The following ARHGAP24 variants were observed in gnomAD, a reference collection of about 807,000 sequenced individuals.
ARHGAP24 encodes Rho GTPase activating protein 24.
ARHGAP24 carries 50 observed loss-of-function variants against 76.4 expected under a neutral mutation model. The observed-to-expected ratio is 0.65, with a 90% CI of 0.52 to 0.83. The LOEUF (loss-of-function observed/expected upper bound fraction) is 0.83. Ranked by LOEUF, ARHGAP24 falls within the 40% of genes least tolerant of loss-of-function variation. ARHGAP24 has a pLI of 0.00. For missense variants in ARHGAP24, 930 were observed against 914.2 expected (o/e 1.02, Z -0.22); for synonymous variants, 345 against 323.3 (o/e 1.07, Z -0.72).
At chr4:85,666,352 T>G (rs1027570348) in intron 2 of ARHGAP24, among the ~76,000 whole-genome samples, 24 of 151,832 alleles carry the variant, frequency 1.6e-4, no homozygotes, top group Non-Finnish European at 4.4e-5. Context: ...CTCAAGCTCC[T>G]GTAAGCACTT....
At chr4:85,872,210 T>C (rs1235725702) in intron 3 of ARHGAP24, among the ~76,000 whole-genome samples, 1 of 152,062 alleles carries the variant, frequency 6.6e-6, no homozygotes, top group African/African-American at 2.4e-5. Flanking sequence ...TGAATTTCAT[T>C]AAGTCTTATA....
At chr4:85,914,730 A>T (rs1735278083) in intron 3 of ARHGAP24, among the ~76,000 whole-genome samples, 1 of 152,182 alleles carries the variant, frequency 6.6e-6, no homozygotes, top group Non-Finnish European at 1.5e-5. Context: ...GGACATCCTG[A>T]TAGAAAATGC....
At chr4:85,931,029 TA>T (rs1348523517) in intron 4 of ARHGAP24, 1 of 1,612,580 alleles carries the variant, frequency 6.2e-7, no homozygotes, top group East Asian at 2.2e-5. Context: ...AACGGTGTTT[TA>T]GTTTTCGGAA....
At chr4:85,692,808 A>C (rs1723715311) in intron 2 of ARHGAP24, among the ~76,000 whole-genome samples, 1 of 152,174 alleles carries the variant, frequency 6.6e-6, no homozygotes, top group Admixed American at 6.5e-5. Context: ...TATGTCTGTC[A>C]TTTCAGAGTG....
chr4:85,816,380 T>A (rs1729239502), intron 3 of ARHGAP24, among the ~76,000 whole-genome samples: 1 of 152,174 alleles, frequency 6.6e-6, no homozygotes, highest in African/African-American at 2.4e-5. Flanking sequence ...CACATATAAT[T>A]GAGATCATGC....
At chr4:85,906,512 TA>T (rs1734774672) in intron 3 of ARHGAP24, among the ~76,000 whole-genome samples, 1 of 152,174 alleles carries the variant, frequency 6.6e-6, no homozygotes, top group African/African-American at 2.4e-5. Flanking sequence ...TTTAATGTTA[TA>T]AAAATATTAT....
chr4:85,555,439 A>G (rs781384243), intron 1 of ARHGAP24, among the ~76,000 whole-genome samples: 6 of 152,174 alleles, frequency 3.9e-5, no homozygotes, highest in Non-Finnish European at 8.8e-5. Flanking sequence ...TTGTTGTTGA[A>G]GTTTGGGTTG....
chr4:85,756,444 A>G (rs757105984), intron 3 of ARHGAP24, among the ~76,000 whole-genome samples: 2 of 152,212 alleles, frequency 1.3e-5, no homozygotes, highest in African/African-American at 4.8e-5. Flanking sequence ...GGCATTAGTA[A>G]CTAGTACTCT....
At chr4:85,536,732 T>C (rs879812293) in intron 1 of ARHGAP24, among the ~76,000 whole-genome samples, 5 of 152,102 alleles carry the variant, frequency 3.3e-5, no homozygotes, top group Non-Finnish European at 7.4e-5. Flanking sequence ...TATACATCTT[T>C]CGGGGAGATA....
intron 3 of ARHGAP24, among the ~76,000 whole-genome samples, chr4:85,796,723 G>A (rs187452871): frequency 1.2e-3 from 185 of 152,102 alleles, no homozygotes; most frequent in African/African-American, 4.4e-3. Flanking sequence ...TACTTCTGTC[G>A]GGGGGAATTG....
chr4:85,661,392 G>C (rs563768089), intron 2 of ARHGAP24, among the ~76,000 whole-genome samples: 8 of 152,104 alleles, frequency 5.3e-5, no homozygotes, highest in Admixed American at 6.5e-5. Flanking sequence ...ATCTATTACA[G>C]TTTGTTTATT....
At chr4:85,750,485 CTTTTTTTTTTTTTTT>C (rs60635375) in intron 3 of ARHGAP24, among the ~76,000 whole-genome samples, 19 of 61,640 alleles carry the variant, frequency 3.1e-4, no homozygotes, top group East Asian at 1.1e-3. Flanking sequence ...CTTTTCATTC[CTTTTTTTTTTTTTTT>C]TTTTTTTTTT....
At chr4:85,815,417 C>T (rs1729195604) in intron 3 of ARHGAP24, among the ~76,000 whole-genome samples, 1 of 152,206 alleles carries the variant, frequency 6.6e-6, no homozygotes, top group South Asian at 2.1e-4. Context: ...CTCTTGAATG[C>T]TTTGCTGCTT....
At chr4:85,756,257 T>C (rs1244827785) in intron 3 of ARHGAP24, among the ~76,000 whole-genome samples, 1 of 152,176 alleles carries the variant, frequency 6.6e-6, no homozygotes, top group Non-Finnish European at 1.5e-5. Flanking sequence ...ACAAAATAAT[T>C]GCAATTATGT....
intron 2 of ARHGAP24, among the ~76,000 whole-genome samples, chr4:85,640,908 G>GGCACCTATACTTA (rs1262599412): frequency 6.6e-6 from 1 of 151,472 alleles, no homozygotes; most frequent in East Asian, 1.9e-4. Flanking sequence ...ACAATTTTTT[G>GGCACCTATACTTA]GATACAAGAT....
chr4:85,784,156 G>A (rs1462054856), intron 3 of ARHGAP24, among the ~76,000 whole-genome samples: 3 of 152,124 alleles, frequency 2.0e-5, no homozygotes, highest in Non-Finnish European at 1.5e-5. Flanking sequence ...AAATTCAACA[G>A]CTTTTTATCT....
intron 3 of ARHGAP24, among the ~76,000 whole-genome samples, chr4:85,813,212 A>G (rs547661838): frequency 6.6e-6 from 1 of 152,338 alleles, no homozygotes; most frequent in South Asian, 2.1e-4. Flanking sequence ...CTACCTTAGT[A>G]TACCTCAGTG....
chr4:85,972,212 T>C (rs534059708), intron 6 of ARHGAP24, 44 bp downstream of exon 6: 7 of 1,609,310 alleles, frequency 4.3e-6, no homozygotes, highest in Non-Finnish European at 5.9e-6. Flanking sequence ...TGTTTGGAAT[T>C]TTTTTCTGTG....
At chr4:85,842,740 T>C (rs954233064) in intron 3 of ARHGAP24, among the ~76,000 whole-genome samples, 7 of 152,196 alleles carry the variant, frequency 4.6e-5, no homozygotes, top group Non-Finnish European at 7.3e-5. Flanking sequence ...GAACATAGCT[T>C]CCTTTTTTCT....
Sources: allele counts gnomAD v4.1 joint callset (sites outside exome capture counted in the v4.1 genomes callset), GRCh38; gene constraint gnomAD v4.1.1; transcripts MANE v1.5; gene names NCBI Gene and HGNC (gene_info 2026-07-23, HGNC 2026-07-21).